JMJD1C: variants seen among roughly 807,000 people sequenced by gnomAD.
JMJD1C encodes the protein jumonji domain containing 1C, also known as jumonji domain-containing protein 1C.
A neutral mutation model predicts 245.3 loss-of-function variants in JMJD1C; 31 were observed. The observed-to-expected ratio is 0.13, with a 90% CI of 0.09 to 0.17. JMJD1C has a LOEUF of 0.17. Ranked by LOEUF, JMJD1C falls within the 10% of genes least tolerant of loss-of-function variation. JMJD1C has a pLI of 1.00. For missense variants in JMJD1C, 2,691 were observed against 3,000.2 expected, an observed-to-expected ratio of 0.90 and a Z score of 2.41; for synonymous variants, 1,057 against 1,017.4, an observed-to-expected ratio of 1.04 and a Z score of -0.74.
intron 2 of JMJD1C, among the ~76,000 whole-genome samples, chr10:63,324,540 T>G (rs1049845345): frequency 6.6e-6 from 1 of 152,098 alleles, no homozygotes; most frequent in Non-Finnish European, 1.5e-5. Flanking sequence ...CAAAGAAGCC[T>G]AGAGGAAAGA....
intron 2 of JMJD1C, among the ~76,000 whole-genome samples, chr10:63,307,514 GA>G (rs1470402355): frequency 2.0e-5 from 3 of 152,090 alleles, no homozygotes; most frequent in African/African-American, 7.2e-5. Context: ...GGTAGAAACA[GA>G]AAAAGCAACG....
chr10:63,465,403 T>G lies in JMJD1C; in HGVS notation c.168+92A>C, dbSNP rs892882724. 9 of 1,312,108 alleles carry G rather than the reference T, an allele frequency of 6.9e-6. No individual in the cohort carries two copies. The East Asian group carries it at 7.5e-5, about 11-fold the overall frequency. 81.3% of individuals were successfully genotyped at this position (1,312,108 alleles called of 1,614,324 possible). On this transcript the variant is annotated intron_variant, in intron 1 of 25. Transcript: ENST00000399262. Reference sequence around the variant, plus strand: ...GGGCGTGACCGCCAGTTGGCCGGGCTGAGCGAGGCGCCAGAGGGAAGCCTG... The same window carrying G: ...GGGCGTGACCGCCAGTTGGCCGGGCGGAGCGAGGCGCCAGAGGGAAGCCTG...
intron 2 of JMJD1C, among the ~76,000 whole-genome samples, chr10:63,345,028 A>G (rs1943688303): frequency 6.6e-6 from 1 of 152,174 alleles, no homozygotes; most frequent in African/African-American, 2.4e-5. Context: ...CCCCTCCTAG[A>G]TATCTGCCCA....
At chr10:63,179,428 G>GAA (rs1306193629) in intron 22 of JMJD1C, among the ~76,000 whole-genome samples, 2 of 147,770 alleles carry the variant, frequency 1.4e-5, no homozygotes, top group African/African-American at 5.0e-5. Context: ...AAAGAAAAAA[G>GAA]AAAAAAAGAA....
At chr10:63,493,154 G>A (rs1439872738) in intron 1 of JMJD1C, among the ~76,000 whole-genome samples, 11 of 144,862 alleles carry the variant, frequency 7.6e-5, no homozygotes, top group Admixed American at 4.8e-4. Flanking sequence ...ACAAAATAAT[G>A]TATTCATAGC....
chr10:63,194,134 T>C (rs1845173647), intron 14 of JMJD1C, 152 bp downstream of exon 14: 2 of 596,186 alleles, frequency 3.4e-6, no homozygotes, highest in South Asian at 4.2e-5. Flanking sequence ...TTCTGAGCTT[T>C]ATTACATAGA....
intron 2 of JMJD1C, among the ~76,000 whole-genome samples, chr10:63,289,492 T>C (rs1271518039): frequency 2.0e-5 from 3 of 152,212 alleles, no homozygotes; most frequent in Admixed American, 6.5e-5. Context: ...TTGGGAGTAT[T>C]TGTTTTTTCT....
intron 2 of JMJD1C, among the ~76,000 whole-genome samples, chr10:63,329,895 GTTTT>G (rs1017007378): frequency 2.0e-5 from 3 of 152,016 alleles, no homozygotes; most frequent in African/African-American, 7.2e-5. Flanking sequence ...TCCTGAGCAT[GTTTT>G]TTTGTTTTGC....
chr10:63,452,454 A>G (rs766463340), intron 1 of JMJD1C, among the ~76,000 whole-genome samples: 2 of 152,354 alleles, frequency 1.3e-5, no homozygotes, highest in Non-Finnish European at 2.9e-5. Context: ...ACTAGGATGT[A>G]GAGAAACTGG....
chr10:63,243,126 A>ATATATATATATATATATATATATATAT (rs1564669004), intron 3 of JMJD1C, among the ~76,000 whole-genome samples: 10 of 43,046 alleles, frequency 2.3e-4, no homozygotes, highest in Non-Finnish European at 3.5e-4. Flanking sequence ...TATATATATA[A>ATATATATATATATATATATATATATAT]ATATATATAT....
intron 1 of JMJD1C, among the ~76,000 whole-genome samples, chr10:63,507,854 G>A (rs1297926937): frequency 1.3e-5 from 2 of 152,048 alleles, no homozygotes; most frequent in Admixed American, 6.5e-5. Context: ...GTGTTTACCT[G>A]CCATCTACAA....
chr10:63,285,502 T>C (rs1180180027), intron 2 of JMJD1C, among the ~76,000 whole-genome samples: 2 of 152,194 alleles, frequency 1.3e-5, no homozygotes, highest in Non-Finnish European at 2.9e-5. Flanking sequence ...TCTTGTCTCC[T>C]TCCTAGCCAG....
chr10:63,331,284 CCT>C, intron 2 of JMJD1C, among the ~76,000 whole-genome samples: 2 of 152,264 alleles, frequency 1.3e-5, no homozygotes, highest in African/African-American at 4.8e-5. Flanking sequence ...TATGTCCAAT[CCT>C]CTGTTAAAAC....
At chr10:63,300,840 C>A (rs1306093953) in intron 2 of JMJD1C, among the ~76,000 whole-genome samples, 1 of 148,426 alleles carries the variant, frequency 6.7e-6, no homozygotes, top group African/African-American at 2.5e-5. Context: ...TGCAGTGAGC[C>A]AAGAACACAC....
chr10:63,440,678 G>A (rs559217755), intron 1 of JMJD1C, among the ~76,000 whole-genome samples: 29 of 152,142 alleles, frequency 1.9e-4, no homozygotes, highest in African/African-American at 5.8e-4. Context: ...CCACCAGACT[G>A]TTGCTGGATA....
chr10:63,397,706 T>A (rs1470547520), intron 1 of JMJD1C, among the ~76,000 whole-genome samples: 9 of 152,006 alleles, frequency 5.9e-5, no homozygotes, highest in Non-Finnish European at 7.4e-5. Context: ...GTAAGTTTTT[T>A]ATTTTTTTCT....
At chr10:63,407,653 TAC>T (rs1949245526) in intron 1 of JMJD1C, among the ~76,000 whole-genome samples, 1 of 146,070 alleles carries the variant, frequency 6.8e-6, no homozygotes, top group Admixed American at 6.8e-5. Context: ...AGACATAAAA[TAC>T]AGAGACTAAA....
intron 3 of JMJD1C, among the ~76,000 whole-genome samples, chr10:63,250,620 A>G (rs1026842123): frequency 2.0e-5 from 3 of 152,242 alleles, no homozygotes; most frequent in African/African-American, 7.2e-5. Flanking sequence ...TTTGTTAAAC[A>G]CTGGAAGGAA....
intron 3 of JMJD1C, chr10:63,222,483 T>C (rs201712448): frequency 1.3e-5 from 13 of 1,002,220 alleles, no homozygotes; most frequent in Non-Finnish European, 1.8e-5. Context: ...GTTGTGGCAG[T>C]AGGAGAATGT....
Sources: gnomAD v4.1 joint callset for allele counts (sites outside exome capture counted in the v4.1 genomes callset) on GRCh38, gnomAD v4.1.1 for gene constraint, MANE v1.5 for transcripts, NCBI Gene and HGNC (gene_info 2026-07-23, HGNC 2026-07-21) for gene names.